Variants in CNTNAP5 observed in about 807,000 individuals in gnomAD.
CNTNAP5 encodes contactin-associated protein-like 5.
Under a neutral mutation model 150.2 loss-of-function variants are expected in CNTNAP5, and 72 were observed. The observed-to-expected ratio is 0.48, with a 90% CI of 0.40 to 0.58. The LOEUF (loss-of-function observed/expected upper bound fraction) is 0.58, where lower values mean the gene tolerates loss of function less well. Ranked by LOEUF, CNTNAP5 falls within the 20% of genes least tolerant of loss-of-function variation. The pLI is 0.00. For missense variants in CNTNAP5, 1,636 were observed against 1,626.2 expected, an observed-to-expected ratio of 1.01 and a Z score of -0.10; for synonymous variants, 672 against 619.8, an observed-to-expected ratio of 1.08 and a Z score of -1.25.
chr2:124,567,687 G>A (rs572266293), intron 11 of CNTNAP5, among the ~76,000 whole-genome samples: 39 of 152,168 alleles, frequency 2.6e-4, no homozygotes, highest in Non-Finnish European at 4.4e-4. Flanking sequence ...GGAATATAAC[G>A]TGCAAGTTCA....
chr2:124,543,056 G>T (rs1695426145), intron 10 of CNTNAP5, among the ~76,000 whole-genome samples: 1 of 152,118 alleles, frequency 6.6e-6, no homozygotes. Context: ...TTCCCAATGT[G>T]GTTCACGCCA....
chr2:124,826,123 A>C (rs1682587444), intron 19 of CNTNAP5, among the ~76,000 whole-genome samples: 1 of 152,100 alleles, frequency 6.6e-6, no homozygotes, highest in South Asian at 2.1e-4. Context: ...AATCATTTGG[A>C]TCTTGAGATC....
intron 1 of CNTNAP5, among the ~76,000 whole-genome samples, chr2:124,059,360 C>G (rs1010153262): frequency 6.6e-6 from 1 of 152,184 alleles, no homozygotes; most frequent in Non-Finnish European, 1.5e-5. Flanking sequence ...AGGTCTCCCT[C>G]TAATCACATA....
chr2:124,231,022 T>C (rs1367684105), intron 2 of CNTNAP5, among the ~76,000 whole-genome samples: 2 of 152,158 alleles, frequency 1.3e-5, no homozygotes, highest in Non-Finnish European at 2.9e-5. Flanking sequence ...CCCAGTCGAA[T>C]TGTGTATGGT....
chr2:124,362,880 A>G (rs1330323353), intron 3 of CNTNAP5, among the ~76,000 whole-genome samples: 1 of 152,202 alleles, frequency 6.6e-6, no homozygotes, highest in Non-Finnish European at 1.5e-5. Context: ...TCAGTGTTCT[A>G]TCACTGCTCA....
intron 12 of CNTNAP5, among the ~76,000 whole-genome samples, chr2:124,619,049 A>T (rs1677548601): frequency 6.6e-6 from 1 of 152,142 alleles, no homozygotes; most frequent in Non-Finnish European, 1.5e-5. Flanking sequence ...AGTAAGAAAA[A>T]CTGTGACATG....
intron 6 of CNTNAP5, among the ~76,000 whole-genome samples, chr2:124,468,757 AC>A (rs1693437776): frequency 6.6e-6 from 1 of 152,188 alleles, no homozygotes; most frequent in South Asian, 2.1e-4. Context: ...TAACACATTT[AC>A]TGATAACTTC....
intron 6 of CNTNAP5, among the ~76,000 whole-genome samples, chr2:124,471,367 T>C (rs1270917086): frequency 6.6e-6 from 1 of 152,162 alleles, no homozygotes; most frequent in Non-Finnish European, 1.5e-5. Flanking sequence ...GCTCTTGGCT[T>C]GCCTGTTGTT....
At chr2:124,176,493 T>A (rs1529301) in intron 1 of CNTNAP5, among the ~76,000 whole-genome samples, 94,933 of 151,948 alleles carry the variant, frequency 0.62, 29,905 homozygotes, top group East Asian at 0.84. Flanking sequence ...AAAATCACTG[T>A]CAGAAGGCAG....
At chr2:124,874,535 C>A (rs1189482027) in intron 21 of CNTNAP5, among the ~76,000 whole-genome samples, 3 of 151,774 alleles carry the variant, frequency 2.0e-5, no homozygotes, top group Non-Finnish European at 4.4e-5. Context: ...TATTTTTTTT[C>A]TGGTCCTGTT....
At position 124,026,554 on chromosome 2, in the gene CNTNAP5, T is replaced by G. The variant is rs188044283; in HGVS notation, c.82+822T>G. 2.0e-5 allele frequency among the ~76,000 whole-genome samples: 3 copies of G among 152,348 alleles called. No individual in the cohort carries two copies. The East Asian group carries it at 5.8e-4, about 29-fold the overall frequency. ...AAACTTGAATAAATCTCTGGAGCTA[T>G]GAGAGGTTCAGGCTCAATTCCTCAG... On this transcript the variant is annotated intron_variant, in intron 1 of 23. Coordinates refer to ENST00000682447, the MANE Select transcript of CNTNAP5 (RefSeq NM_001367498.1).
chr2:124,905,038 C>CAAAAAA (rs55882801), intron 22 of CNTNAP5, among the ~76,000 whole-genome samples: 1 of 50,742 alleles, frequency 2.0e-5, no homozygotes, highest in Non-Finnish European at 4.3e-5. Context: ...AACTCAATAG[C>CAAAAAA]AAAAAAAAAA....
chr2:124,027,814 A>G (rs147036598), intron 1 of CNTNAP5, among the ~76,000 whole-genome samples: 156 of 152,356 alleles, frequency 1.0e-3, no homozygotes, highest in Middle Eastern at 0.01. Flanking sequence ...ATTAATGATC[A>G]TTATGCTGTA....
chr2:124,894,314 A>T (rs1258697843), intron 21 of CNTNAP5, among the ~76,000 whole-genome samples: 1 of 148,216 alleles, frequency 6.7e-6, no homozygotes. Context: ...TATTTCTATG[A>T]TTAATTTTAA....
chr2:124,210,202 G>C (rs1685970037), intron 1 of CNTNAP5, among the ~76,000 whole-genome samples: 1 of 152,056 alleles, frequency 6.6e-6, no homozygotes, highest in South Asian at 2.1e-4. Context: ...CTTGCCATCT[G>C]AATATAAATA....
chr2:124,771,204 C>G (rs1573606122), intron 16 of CNTNAP5, among the ~76,000 whole-genome samples: 1 of 152,176 alleles, frequency 6.6e-6, no homozygotes, highest in East Asian at 1.9e-4. Context: ...ATGACTTCAT[C>G]AAATAAATAC....
intron 10 of CNTNAP5, among the ~76,000 whole-genome samples, chr2:124,550,855 G>C (rs1477133151): frequency 6.6e-6 from 1 of 152,018 alleles, no homozygotes; most frequent in African/African-American, 2.4e-5. Flanking sequence ...TGGTGGTAGG[G>C]GACTTGTTTC....
chr2:124,483,362 T>A (rs140512258), intron 7 of CNTNAP5, among the ~76,000 whole-genome samples: 2 of 152,208 alleles, frequency 1.3e-5, no homozygotes, highest in African/African-American at 4.8e-5. Flanking sequence ...TATCAAGTAA[T>A]ATGGAAGGCT....
intron 1 of CNTNAP5, among the ~76,000 whole-genome samples, chr2:124,164,824 A>G (rs1452471285): frequency 1.3e-5 from 2 of 152,168 alleles, no homozygotes. Flanking sequence ...CACCTCACCT[A>G]GGTAACTCTG....
Sources: gnomAD v4.1 joint callset for allele counts (sites outside exome capture counted in the v4.1 genomes callset) on GRCh38, gnomAD v4.1.1 for gene constraint, MANE v1.5 for transcripts, NCBI Gene and HGNC (gene_info 2026-07-23, HGNC 2026-07-21) for gene names.